APOLD1: variants seen among roughly 807,000 people sequenced by gnomAD.
The protein encoded by APOLD1 is apolipoprotein L domain containing 1.
APOLD1 carries 22 observed loss-of-function variants against 15.3 expected under a neutral mutation model. That is an observed-to-expected ratio of 1.44 (90% CI 1.03 to 2.05). APOLD1 has a LOEUF of 2.05. Ranked by LOEUF, APOLD1 falls within the 30% of genes most tolerant of loss-of-function variation. The probability of loss-of-function intolerance (pLI) is 0.00; values close to 1 mark genes in which losing one functional copy is unlikely to be tolerated. For missense variants in APOLD1, 394 were observed against 353.5 expected, an observed-to-expected ratio of 1.11 and a Z score of -0.92; for synonymous variants, 190 against 167.4, an observed-to-expected ratio of 1.13 and a Z score of -1.04.
chr12:12,728,268 G>A (rs1296423685), intron 1 of APOLD1, among the ~76,000 whole-genome samples: 1 of 152,110 alleles, frequency 6.6e-6, no homozygotes, highest in Non-Finnish European at 1.5e-5. Context: ...AGCCCAGCCT[G>A]TTTAATACTT....
chr12:12,763,810 T>C (rs1296607912), intron 1 of APOLD1, among the ~76,000 whole-genome samples: 1 of 152,168 alleles, frequency 6.6e-6, no homozygotes, highest in African/African-American at 2.4e-5. Flanking sequence ...ATATAATATG[T>C]GTTATATAAA....
At chr12:12,776,183 A>G (rs1005313411) in intron 1 of APOLD1, among the ~76,000 whole-genome samples, 1 of 152,168 alleles carries the variant, frequency 6.6e-6, no homozygotes, top group Non-Finnish European at 1.5e-5. Flanking sequence ...AAAGTTAGAA[A>G]AGAAAACAAG....
chr12:12,726,020 A>C, exon 1 of APOLD1: 1 of 1,526,430 alleles, frequency 6.6e-7, no homozygotes, highest in Non-Finnish European at 8.8e-7. Context: ...GCGCCGTGTC[A>C]CCGGCTGCGG....
At chr12:12,774,546 CAAAAAAAAAAAAA>C (rs57343706) in intron 1 of APOLD1, among the ~76,000 whole-genome samples, 2 of 42,288 alleles carry the variant, frequency 4.7e-5, no homozygotes, top group East Asian at 9.6e-4. Context: ...ACTCTAACTC[CAAAAAAAAAAAAA>C]AAAAAAAAAA....
At chr12:12,738,845 G>A (rs1157222921) in intron 1 of APOLD1, among the ~76,000 whole-genome samples, 2 of 152,184 alleles carry the variant, frequency 1.3e-5, no homozygotes, top group African/African-American at 4.8e-5. Flanking sequence ...GATAGAAGGT[G>A]CATTGTGGAG....
At chr12:12,734,931 A>C (rs1420120477) in intron 1 of APOLD1, among the ~76,000 whole-genome samples, 1 of 152,022 alleles carries the variant, frequency 6.6e-6, no homozygotes, top group East Asian at 1.9e-4. Flanking sequence ...AATTTAGGTG[A>C]GTGTTGTGAA....
intron 1 of APOLD1, chr12:12,726,406 G>A (rs151218296): frequency 3.2e-5 from 14 of 442,226 alleles, no homozygotes; most frequent in African/African-American, 2.0e-4. Flanking sequence ...GCGTGTGTAC[G>A]TTAAGATTTA....
intron 1 of APOLD1, among the ~76,000 whole-genome samples, chr12:12,741,760 A>C (rs1376056546): frequency 6.6e-6 from 1 of 152,214 alleles, no homozygotes; most frequent in African/African-American, 2.4e-5. Context: ...AGTGTGTGCT[A>C]AGCCACTCAT....
chr12:12,747,462 G>A (rs1453365276), intron 1 of APOLD1, among the ~76,000 whole-genome samples: 1 of 152,176 alleles, frequency 6.6e-6, no homozygotes, highest in Non-Finnish European at 1.5e-5. Context: ...TTTCCCCTTT[G>A]GAATCCAGCC....
At chr12:12,736,538 T>TA (rs921910851) in intron 1 of APOLD1, among the ~76,000 whole-genome samples, 1 of 152,002 alleles carries the variant, frequency 6.6e-6, no homozygotes, top group Non-Finnish European at 1.5e-5. Context: ...AAAGAATAAA[T>TA]AAATAAAATA....
At chr12:12,745,015 T>C (rs1370356073) in intron 1 of APOLD1, among the ~76,000 whole-genome samples, 1 of 152,192 alleles carries the variant, frequency 6.6e-6, no homozygotes, top group Non-Finnish European at 1.5e-5. Context: ...TGCTTTGAAT[T>C]TATTGTTTTA....
rs142775984 is a variant in APOLD1, at chr12:12,746,261, C to T, written c.96+20165C>T. Among the ~76,000 whole-genome samples, 1,009 of 152,274 alleles carry T rather than the reference C, an allele frequency of 6.6e-3. 36 individuals are homozygous for T. In the East Asian group the frequency reaches 0.09, roughly 14 times the overall value. On this transcript the variant is annotated intron_variant, in intron 1 of 1. Coordinates refer to the APOLD1 transcript ENST00000326765. ...CTGTAATCCCAGCACTTCGGGAAGC[C>T]GAGGCGGGTGGGTCACCTGAGGTCA...
At chr12:12,771,546 A>C in intron 1 of APOLD1, 1 of 521,788 alleles carries the variant, frequency 1.9e-6, no homozygotes. Context: ...TTCATTCCCA[A>C]TTTCCTGCCC....
At chr12:12,767,990 T>G (rs1946954183) in intron 1 of APOLD1, among the ~76,000 whole-genome samples, 1 of 152,084 alleles carries the variant, frequency 6.6e-6, no homozygotes, top group African/African-American at 2.4e-5. Context: ...TTTCACCATA[T>G]TGGTCAGGCT....
chr12:12,729,894 G>T (rs1249946562), intron 1 of APOLD1, among the ~76,000 whole-genome samples: 1 of 151,652 alleles, frequency 6.6e-6, no homozygotes, highest in Non-Finnish European at 1.5e-5. Flanking sequence ...TTGAGACCAG[G>T]TCTCACTCTG....
chr12:12,767,349 C>T (rs754462206), intron 1 of APOLD1, among the ~76,000 whole-genome samples: 2 of 151,962 alleles, frequency 1.3e-5, no homozygotes, highest in Non-Finnish European at 2.9e-5. Context: ...AACAACCGTA[C>T]AATAATAAAA....
At chr12:12,731,834 T>C (rs1946643699) in intron 1 of APOLD1, among the ~76,000 whole-genome samples, 2 of 152,248 alleles carry the variant, frequency 1.3e-5, no homozygotes, top group South Asian at 2.1e-4. Flanking sequence ...TCCAGCTTCA[T>C]TGGTGACCAA....
upstream of APOLD1, among the ~76,000 whole-genome samples, chr12:12,781,302 G>A (rs1947077758): frequency 1.3e-5 from 2 of 152,192 alleles, no homozygotes; most frequent in Middle Eastern, 3.4e-3. Flanking sequence ...AAATTAGCCA[G>A]GGGTGGTGGC....
rs11832333 is a variant in APOLD1, at chr12:12,729,484, G to A, written c.96+3388G>A. 5.1e-3 allele frequency among the ~76,000 whole-genome samples: 780 copies of A among 152,060 alleles called. 9 individuals carry two copies. Among genetic ancestry groups the A allele is most frequent in the African/African-American group, 0.018 (734 of 41,458 alleles). On this transcript the variant is annotated intron_variant, in intron 1 of 1. Transcript: ENST00000326765. ...TACGTTGCCTAGGCTGGTCTTGAAC[G>A]CCTGGCCTCAAGTGATACTCCTGCC...
Sources: allele counts gnomAD v4.1 joint callset (sites outside exome capture counted in the v4.1 genomes callset), GRCh38; gene constraint gnomAD v4.1.1; transcripts MANE v1.5; gene names NCBI Gene and HGNC (gene_info 2026-07-23, HGNC 2026-07-21).